The following CDK14 variants were observed in gnomAD, a reference collection of about 807,000 sequenced individuals.
CDK14 encodes the protein cyclin-dependent kinase 14.
A neutral mutation model predicts 60.7 loss-of-function variants in CDK14; 34 were observed. The ratio of observed to expected loss-of-function variants is 0.56; its 90% CI spans 0.43 to 0.75. The LOEUF is 0.75. Among genes scored for constraint, CDK14 ranks in the 30% least tolerant of loss-of-function variants. The pLI, the probability that CDK14 is intolerant of heterozygous loss-of-function variation, is 0.00. For synonymous variants in CDK14, 197 were observed against 203.7 expected, an observed-to-expected ratio of 0.97 and a Z score of 0.28; for missense variants, 482 against 564.1, an observed-to-expected ratio of 0.85 and a Z score of 1.47.
chr7:90,596,497 C>A lies in CDK14; in HGVS notation c.-131C>A. On this transcript the variant is annotated 5_prime_UTR_variant, in exon 1 of 15. Coordinates refer to ENST00000380050, the MANE Select transcript of CDK14 (RefSeq NM_001287135.2). ...TGCTGCTCGCCTCCCTAGACCTGCG[C>A]GTCGCTTCCCGGCCCGCCGAGGAGG... 2.9e-6 allele frequency: 2 copies of A among 691,988 alleles called. No individual in the cohort carries two copies. 42.9% of individuals were successfully genotyped at this position (691,988 alleles called of 1,614,324 possible).
chr7:91,035,062 C>T (rs1369087630), intron 10 of CDK14, among the ~76,000 whole-genome samples: 3 of 152,094 alleles, frequency 2.0e-5, no homozygotes, highest in Non-Finnish European at 2.9e-5. Context: ...AGCATTGACA[C>T]TGTAGAAAGT....
chr7:90,761,662 C>A (rs529519988), intron 4 of CDK14, among the ~76,000 whole-genome samples: 2 of 152,200 alleles, frequency 1.3e-5, no homozygotes, highest in Non-Finnish European at 2.9e-5. Flanking sequence ...GGTGGTGTCA[C>A]TGGCATGTAG....
rs941347438 is a variant in CDK14, at chr7:90,770,139, G to A, written c.465-20434G>A. 7.2e-5 allele frequency among the ~76,000 whole-genome samples: 11 copies of A among 152,230 alleles called. No individual in the cohort carries two copies. The East Asian group carries it at 2.1e-3, about 29-fold the overall frequency. ...AAAGCAGATTGCTCTATAGAAAAGG[G>A]ATGCTAATGTCCTGTTTGATGGTGA... On this transcript the variant is annotated intron_variant, in intron 4 of 14. Coordinates refer to ENST00000380050, the MANE Select transcript of CDK14 (RefSeq NM_001287135.2).
At chr7:91,191,756 G>A (rs931593510) in intron 14 of CDK14, among the ~76,000 whole-genome samples, 17 of 151,922 alleles carry the variant, frequency 1.1e-4, no homozygotes, top group African/African-American at 4.1e-4. Flanking sequence ...GGAGAACTGT[G>A]GTCAGAAAAT....
chr7:91,192,314 T>G (rs1222909520), intron 14 of CDK14, among the ~76,000 whole-genome samples: 1 of 152,212 alleles, frequency 6.6e-6, no homozygotes, highest in Non-Finnish European at 1.5e-5. Context: ...GTTGCTCTTC[T>G]AATGATCAGA....
intron 2 of CDK14, among the ~76,000 whole-genome samples, chr7:90,622,597 A>G (rs1799794165): frequency 6.6e-6 from 1 of 152,236 alleles, no homozygotes; most frequent in African/African-American, 2.4e-5. Flanking sequence ...GAGATTGCAC[A>G]TTAGTGCATT....
chr7:90,598,803 C>T (rs1407918231), intron 1 of CDK14, among the ~76,000 whole-genome samples: 3 of 145,186 alleles, frequency 2.1e-5, no homozygotes, highest in African/African-American at 7.6e-5. Flanking sequence ...CTCCCGGGTT[C>T]ACGCCATTCT....
intron 2 of CDK14, chr7:90,709,275 A>C (rs75040012): frequency 1.9e-6 from 1 of 533,544 alleles, no homozygotes; most frequent in Admixed American, 4.0e-5. Flanking sequence ...TGCAGCATGC[A>C]TGATGGTGGC....
At chr7:90,705,427 C>T (rs1394939257) in intron 2 of CDK14, among the ~76,000 whole-genome samples, 2 of 151,908 alleles carry the variant, frequency 1.3e-5, no homozygotes, top group East Asian at 1.9e-4. Context: ...ATTGTTTGGC[C>T]CCACCTGTCC....
At chr7:90,854,102 A>G (rs1790741795) in intron 5 of CDK14, among the ~76,000 whole-genome samples, 1 of 152,116 alleles carries the variant, frequency 6.6e-6, no homozygotes, top group South Asian at 2.1e-4. Flanking sequence ...GGCAAAGGAG[A>G]TGTTTTCTGA....
chr7:91,023,157 T>G (rs1455210861), intron 10 of CDK14, among the ~76,000 whole-genome samples: 7 of 152,234 alleles, frequency 4.6e-5, no homozygotes, highest in Non-Finnish European at 8.8e-5. Flanking sequence ...ATTTTTCATA[T>G]TATAGCACTA....
chr7:91,124,671 C>A (rs989699904), intron 14 of CDK14, among the ~76,000 whole-genome samples: 13 of 151,464 alleles, frequency 8.6e-5, no homozygotes, highest in African/African-American at 3.2e-4. Context: ...TGGTGAGGGG[C>A]GGGGGGAATA....
At chr7:90,668,619 G>C (rs1032144939) in intron 2 of CDK14, among the ~76,000 whole-genome samples, 3 of 119,386 alleles carry the variant, frequency 2.5e-5, no homozygotes, top group African/African-American at 9.8e-5. Context: ...TTTCTTCTGA[G>C]AGTTTTATAG....
At chr7:90,749,112 G>A (rs1803710890) in intron 4 of CDK14, among the ~76,000 whole-genome samples, 1 of 152,158 alleles carries the variant, frequency 6.6e-6, no homozygotes, top group Non-Finnish European at 1.5e-5. Flanking sequence ...AAAATACTGT[G>A]AAGTCAAAAG....
At chr7:90,597,833 G>GT (rs11351927) in intron 1 of CDK14, among the ~76,000 whole-genome samples, 64,266 of 138,406 alleles carry the variant, frequency 0.46, 14,793 homozygotes, top group East Asian at 0.65. Flanking sequence ...ATTTAGCCAA[G>GT]TTTTTTTTTT....
intron 5 of CDK14, among the ~76,000 whole-genome samples, chr7:90,795,914 G>A (rs181508216): frequency 2.0e-5 from 3 of 152,310 alleles, no homozygotes; most frequent in Admixed American, 1.3e-4. Flanking sequence ...CCATCAGTGG[G>A]AGGTTCAAGG....
In CDK14 at chr7:90,973,713, C is replaced by T. The variant is rs563271487; in HGVS notation, c.948-10435C>T. Among the ~76,000 whole-genome samples, 9 of 109,134 alleles carry T rather than the reference C, an allele frequency of 8.2e-5. 1 individual carries two copies. The highest frequency in any genetic ancestry group is 3.0e-4 in the Admixed American group (3 of 10,102). The allele number at this position is 109,134 out of a possible 152,430, so 71.6% of individuals were successfully genotyped here. A position where few individuals can be genotyped will look rare whatever the true frequency, so the allele number is the denominator to read the frequency against. On this transcript the variant is annotated intron_variant, in intron 9 of 14. Coordinates refer to ENST00000380050, the MANE Select transcript of CDK14 (RefSeq NM_001287135.2). ...TAGGACTGTGATGGCGACCTCGAGCCGCAAAACCAGCAATTTTTTTTAGGG... is the reference window on the plus strand; with the variant it reads ...TAGGACTGTGATGGCGACCTCGAGCTGCAAAACCAGCAATTTTTTTTAGGG...
chr7:91,010,816 CCTT>C (rs1796133473), intron 10 of CDK14, among the ~76,000 whole-genome samples: 1 of 103,514 alleles, frequency 9.7e-6, no homozygotes, highest in Non-Finnish European at 2.0e-5. Context: ...TTCCTTCCTT[CCTT>C]CCTTCCTTCC....
intron 10 of CDK14, among the ~76,000 whole-genome samples, chr7:91,022,192 A>G (rs2115879260): frequency 6.6e-6 from 1 of 152,290 alleles, no homozygotes; most frequent in Middle Eastern, 3.4e-3. Context: ...TTTGGGTGAT[A>G]TATTCTGTCT....
Sources: gnomAD v4.1 joint callset for allele counts (sites outside exome capture counted in the v4.1 genomes callset) on GRCh38, gnomAD v4.1.1 for gene constraint, MANE v1.5 for transcripts, NCBI Gene and HGNC (gene_info 2026-07-23, HGNC 2026-07-21) for gene names.